Variants in PCDHA2 observed in about 807,000 individuals in gnomAD.
The protein encoded by PCDHA2 is protocadherin alpha 2.
In PCDHA2, 58 loss-of-function variants were observed where a neutral mutation model predicts 66.0. The ratio of observed to expected loss-of-function variants is 0.88; its 90% confidence interval spans 0.71 to 1.09. The LOEUF (loss-of-function observed/expected upper bound fraction) is 1.09. Ranked by LOEUF, PCDHA2 falls within the 50% of genes least tolerant of loss-of-function variation. The pLI, the probability that PCDHA2 is intolerant of heterozygous loss-of-function variation, is 0.00. For synonymous variants in PCDHA2, 634 were observed against 554.0 expected (o/e 1.14, Z -2.03); for missense variants, 1,267 against 1,242.3 (o/e 1.02, Z -0.30).
intron 1 of PCDHA2, chr5:140,857,477 T>A (rs1562523780): frequency 1.3e-6 from 2 of 1,598,544 alleles, no homozygotes; most frequent in Admixed American, 1.7e-5. Context: ...CTTCACGGTG[T>A]CTGCGTGGGA....
chr5:140,863,186 TG>T, intron 1 of PCDHA2: 1 of 771,164 alleles, frequency 1.3e-6, no homozygotes, highest in Non-Finnish European at 2.2e-6. Flanking sequence ...ACCGTCACCG[TG>T]GTGGCGTCGC....
At chr5:140,830,481 C>T in intron 1 of PCDHA2, 1 of 1,505,882 alleles carries the variant, frequency 6.6e-7, no homozygotes, top group Non-Finnish European at 8.9e-7. Context: ...GATCATGATG[C>T]CAAAGTAAGT....
At chr5:140,813,378 A>G (rs1765280639) in intron 1 of PCDHA2, 1 of 152,242 alleles carries the variant, frequency 6.6e-6, no homozygotes, top group Non-Finnish European at 1.5e-5. Context: ...CCTAGGTTAC[A>G]TGATCTATTG....
chr5:140,869,654 C>T, intron 1 of PCDHA2: 1 of 1,613,446 alleles, frequency 6.2e-7, no homozygotes, highest in Non-Finnish European at 8.5e-7. Flanking sequence ...GATTCACCAA[C>T]AAATGGTAAG....
intron 1 of PCDHA2, chr5:140,843,268 C>T (rs1778736907): frequency 1.3e-6 from 2 of 1,595,984 alleles, no homozygotes; most frequent in East Asian, 2.2e-5. Flanking sequence ...GTCTGCTGGT[C>T]CTGGTGAAGG....
chr5:140,870,078 G>A, intron 1 of PCDHA2: 1 of 1,613,838 alleles, frequency 6.2e-7, no homozygotes, highest in South Asian at 1.1e-5. Flanking sequence ...CAGATAAGGG[G>A]ACTCCCCCAA....
intron 1 of PCDHA2, chr5:140,823,306 G>C: frequency 6.2e-7 from 1 of 1,612,298 alleles, no homozygotes; most frequent in South Asian, 1.1e-5. Context: ...TTCGGTGCAC[G>C]CGGAGAGCGG....
At chr5:140,996,123 G>A (rs1554255007) in intron 3 of PCDHA2, among the ~76,000 whole-genome samples, 2 of 152,238 alleles carry the variant, frequency 1.3e-5, no homozygotes, top group African/African-American at 2.4e-5. Flanking sequence ...GCAGGGTGGT[G>A]TAGAGGGTTC....
At chr5:140,919,643 C>CTA (rs1244015726) in intron 1 of PCDHA2, among the ~76,000 whole-genome samples, 7 of 152,192 alleles carry the variant, frequency 4.6e-5, no homozygotes, top group Non-Finnish European at 8.8e-5. Flanking sequence ...AGTAGTTTCT[C>CTA]TAGAGTTTAC....
intron 1 of PCDHA2, among the ~76,000 whole-genome samples, chr5:140,954,602 A>G (rs2095062634): frequency 6.6e-6 from 1 of 152,120 alleles, no homozygotes; most frequent in South Asian, 2.1e-4. Flanking sequence ...TTCTTTGCCC[A>G]CTTTTTAATG....
At chr5:140,891,410 A>G (rs1381375342) in intron 1 of PCDHA2, among the ~76,000 whole-genome samples, 1 of 130,438 alleles carries the variant, frequency 7.7e-6, no homozygotes, top group East Asian at 2.5e-4. Context: ...GCCACCCCCC[A>G]CTCTTGCCCC....
At chr5:140,836,418 T>C in intron 1 of PCDHA2, 3 of 1,613,726 alleles carry the variant, frequency 1.9e-6, no homozygotes. Context: ...ACCAAAGGCG[T>C]CGTCGCGGGC....
intron 1 of PCDHA2, chr5:140,930,208 A>C (rs939593947): frequency 6.6e-6 from 1 of 152,220 alleles, no homozygotes; most frequent in African/African-American, 2.4e-5. Flanking sequence ...AGAAATATTT[A>C]TGTGTTCAAA....
At chr5:140,840,562 G>C (rs1776767588) in intron 1 of PCDHA2, among the ~76,000 whole-genome samples, 1 of 152,076 alleles carries the variant, frequency 6.6e-6, no homozygotes, top group South Asian at 2.1e-4. Context: ...TACTGCTAGA[G>C]TTTGGCATGT....
At chr5:140,862,741 G>A (rs2153223703) in intron 1 of PCDHA2, 1 of 577,348 alleles carries the variant, frequency 1.7e-6, no homozygotes. Context: ...CTATGTGTGG[G>A]TGCACGCGGA....
intron 1 of PCDHA2, chr5:140,967,414 C>T: frequency 6.2e-7 from 1 of 1,613,156 alleles, no homozygotes; most frequent in African/African-American, 1.3e-5. Context: ...AGGGCCTAGA[C>T]CGGGAGCAGG....
At position 140,850,380 on chromosome 5, in the gene PCDHA2, G is replaced by A. The variant is rs1554144242; in HGVS notation, c.2388+53028G>A. On this transcript the variant is annotated intron_variant, in intron 1 of 3. Transcript: ENST00000526136. ...CCCGTTCCGCGTGGGGCTGTACACG[G>A]GCGAGATCAGCACAACGCGTGCCCT... 2.5e-6 allele frequency: 4 copies of A among 1,597,780 alleles called. 1 individual carries two copies. Among genetic ancestry groups the A allele is most frequent in the East Asian group, 2.2e-5 (1 of 44,840 alleles).
At chr5:141,001,509 G>A (rs1025738776) in intron 3 of PCDHA2, among the ~76,000 whole-genome samples, 3 of 152,212 alleles carry the variant, frequency 2.0e-5, no homozygotes, top group Non-Finnish European at 4.4e-5. Context: ...GGTGGGCTTA[G>A]CTTTCTCCCT....
chr5:140,801,389 C>T, intron 1 of PCDHA2: 1 of 1,613,606 alleles, frequency 6.2e-7, no homozygotes, highest in Non-Finnish European at 8.5e-7. Flanking sequence ...CGCGCCTGTT[C>T]CGGGTGGCGT....
Sources: gnomAD v4.1 joint callset for allele counts (sites outside exome capture counted in the v4.1 genomes callset) on GRCh38, gnomAD v4.1.1 for gene constraint, MANE v1.5 for transcripts, NCBI Gene and HGNC (gene_info 2026-07-23, HGNC 2026-07-21) for gene names.